The following AKR1C8 variants were observed in gnomAD, a reference collection of about 807,000 sequenced individuals.
AKR1C8 encodes the protein aldo-keto reductase family 1 member C-like protein 1.
the AKR1C8 span, among the ~76,000 whole-genome samples, chr10:5,151,634 G>T: frequency 1.1e-4 from 16 of 141,986 alleles, no homozygotes; most frequent in Non-Finnish European, 1.5e-4. Context: ...TCAGCTTACT[G>T]CAACCTCTGC....
chr10:5,123,391 G>T, the AKR1C8 span: 5 of 334,506 alleles, frequency 1.5e-5, no homozygotes, highest in South Asian at 2.6e-4. Flanking sequence ...TTTTTGCCAT[G>T]ACACAAATAA....
chr10:5,119,907 G>C, the AKR1C8 span, among the ~76,000 whole-genome samples: 6 of 152,290 alleles, frequency 3.9e-5, no homozygotes, highest in African/African-American at 1.2e-4. Flanking sequence ...CCCATAACAT[G>C]TATCTCTAAT....
At chr10:5,131,268 G>A in the AKR1C8 span, among the ~76,000 whole-genome samples, 1 of 151,694 alleles carries the variant, frequency 6.6e-6, no homozygotes, top group Non-Finnish European at 1.5e-5. Context: ...CATTGGCCTC[G>A]ACAAAGAATT....
chr10:5,171,663 A>C, the AKR1C8 span, among the ~76,000 whole-genome samples: 1 of 152,014 alleles, frequency 6.6e-6, no homozygotes, highest in African/African-American at 2.4e-5. Context: ...ACCCTTTATA[A>C]TTTTTGTTAA....
the AKR1C8 span, chr10:5,122,213 C>T: frequency 1.6e-5 from 5 of 305,286 alleles, no homozygotes; most frequent in East Asian, 3.8e-4. Context: ...AGGACAGCAG[C>T]TTCTACCTGG....
chr10:5,124,050 C>T, the AKR1C8 span, among the ~76,000 whole-genome samples: 1 of 152,026 alleles, frequency 6.6e-6, no homozygotes, highest in Non-Finnish European at 1.5e-5. Flanking sequence ...CTCCATGGAC[C>T]AGATCCAGTA....
At chr10:5,120,580 T>C in the AKR1C8 span, among the ~76,000 whole-genome samples, 1 of 152,196 alleles carries the variant, frequency 6.6e-6, no homozygotes, top group African/African-American at 2.4e-5. Context: ...GGAGCTGTGA[T>C]ATTGAATAGG....
chr10:5,158,189 C>T, the AKR1C8 span, among the ~76,000 whole-genome samples: 2 of 152,084 alleles, frequency 1.3e-5, no homozygotes, highest in Non-Finnish European at 2.9e-5. Context: ...GGTGAAAAAA[C>T]CAGAAAATAG....
chr10:5,120,686 A>G, the AKR1C8 span, among the ~76,000 whole-genome samples: 2 of 152,046 alleles, frequency 1.3e-5, no homozygotes, highest in Non-Finnish European at 2.9e-5. Flanking sequence ...CACTTCCCAC[A>G]TTTTTGTTCG....
the AKR1C8 span, among the ~76,000 whole-genome samples, chr10:5,126,849 C>G: frequency 6.6e-6 from 1 of 151,946 alleles, no homozygotes; most frequent in South Asian, 2.1e-4. Flanking sequence ...ACTCTTCACA[C>G]CTAATAGCAC....
chr10:5,130,489 G>A, the AKR1C8 span, among the ~76,000 whole-genome samples: 2 of 151,780 alleles, frequency 1.3e-5, no homozygotes, highest in Non-Finnish European at 1.5e-5. Context: ...TTAAAGTATT[G>A]CTGTTTGCCA....
the AKR1C8 span, among the ~76,000 whole-genome samples, chr10:5,161,492 T>C: frequency 6.6e-6 from 1 of 152,294 alleles, no homozygotes; most frequent in South Asian, 2.1e-4. Flanking sequence ...GGGGTTCCCA[T>C]TGTATCTCTG....
chr10:5,175,375 T>C, the AKR1C8 span, among the ~76,000 whole-genome samples: 1 of 152,188 alleles, frequency 6.6e-6, no homozygotes, highest in South Asian at 2.1e-4. Context: ...CAGCCTATCA[T>C]TGTTGGACAT....
At chr10:5,123,577 G>C in the AKR1C8 span, 1 of 790,768 alleles carries the variant, frequency 1.3e-6, no homozygotes, top group South Asian at 2.1e-5. Flanking sequence ...AGCATCACCT[G>C]GGATCTCGTC....
the AKR1C8 span, among the ~76,000 whole-genome samples, chr10:5,144,093 G>A: frequency 6.6e-6 from 1 of 152,182 alleles, no homozygotes; most frequent in African/African-American, 2.4e-5. Flanking sequence ...TCTACATATG[G>A]CTAGCCAGTT....
chr10:5,120,372 C>T, the AKR1C8 span, among the ~76,000 whole-genome samples: 1 of 35,460 alleles, frequency 2.8e-5, no homozygotes, highest in Non-Finnish European at 4.8e-5. Flanking sequence ...TCCTCTAGTG[C>T]CACTGGTTAG....
chr10:5,172,138 C>G, the AKR1C8 span, among the ~76,000 whole-genome samples: 1 of 152,060 alleles, frequency 6.6e-6, no homozygotes, highest in Non-Finnish European at 1.5e-5. Context: ...TGCAAACAGG[C>G]AAGTTGTACA....
the AKR1C8 span, among the ~76,000 whole-genome samples, chr10:5,143,179 C>T: frequency 6.6e-6 from 1 of 152,158 alleles, no homozygotes; most frequent in East Asian, 1.9e-4. Flanking sequence ...ATATGGGAAA[C>T]AACCCTTCTA....
chr10:5,118,780 G>A, the AKR1C8 span, among the ~76,000 whole-genome samples: 4 of 152,132 alleles, frequency 2.6e-5, no homozygotes, highest in African/African-American at 7.2e-5. Context: ...AAACATCAGA[G>A]AGCAAAGGGG....
Sources: allele counts gnomAD v4.1 joint callset (sites outside exome capture counted in the v4.1 genomes callset), GRCh38; gene constraint gnomAD v4.1.1; transcripts MANE v1.5; gene names NCBI Gene and HGNC (gene_info 2026-07-23, HGNC 2026-07-21).